Variants in MYO15B observed in about 807,000 individuals in gnomAD.
The protein encoded by MYO15B is myosin XVB pseudogene.
MYO15B carries 207 observed loss-of-function variants against 119.3 expected under a neutral mutation model. The ratio of observed to expected loss-of-function variants is 1.73; its 90% CI spans 1.55 to 1.95. MYO15B has a LOEUF of 1.95. Ranked by LOEUF, MYO15B falls within the 30% of genes most tolerant of loss-of-function variation. The pLI, the probability that MYO15B is intolerant of heterozygous loss-of-function variation, is 0.00. For synonymous variants in MYO15B, 966 were observed against 498.9 expected, an observed-to-expected ratio of 1.94 and a Z score of -12.48; for missense variants, 2,264 against 1,203.1, an observed-to-expected ratio of 1.88 and a Z score of -13.04.
exon 25 of MYO15B, chr17:75,611,891 C>T (rs1245096957): frequency 8.5e-6 from 6 of 702,828 alleles, no homozygotes; most frequent in East Asian, 2.7e-5. Context: ...CCCAGGCCAT[C>T]GGGACGCCCT....
At chr17:75,623,649 A>G (rs2058833456) in intron 53 of MYO15B, 132 bp from the exon 54 acceptor site, 7 of 637,046 alleles carry the variant, frequency 1.1e-5, no homozygotes, top group Admixed American at 4.8e-5. Flanking sequence ...TAGCCAGTGC[A>G]GTGATGTCTT....
chr17:75,599,487 C>T (rs1420440785), intron 14 of MYO15B, among the ~76,000 whole-genome samples: 1 of 151,610 alleles, frequency 6.6e-6, no homozygotes, highest in Non-Finnish European at 1.5e-5. Flanking sequence ...CGGGGTTTCA[C>T]CATGTTAGCC....
chr17:75,593,924 G>GTAA (rs374683707), intron 9 of MYO15B, among the ~76,000 whole-genome samples: 1 of 128,830 alleles, frequency 7.8e-6, no homozygotes, highest in Non-Finnish European at 1.6e-5. Context: ...AGTCTCAGAA[G>GTAA]AAAAAAAAAA....
rs546662576 is a variant in MYO15B at position 75,601,441 on chromosome 17, A to T, written c.3529A>T (p.Thr1177Ser). 5.2e-4 allele frequency: 369 copies of T among 703,014 alleles called. 7 individuals carry two copies. Among genetic ancestry groups the T allele is most frequent in the South Asian group, 4.2e-3 (282 of 67,606 alleles). 43.5% of individuals were successfully genotyped at this position (703,014 alleles called of 1,614,324 possible). The change falls in exon 15 of 64, where the codon ACG becomes TCG. Residue 1177 changes from threonine (T) to serine (S), a missense_variant. Coordinates refer to ENST00000645453, the Ensembl canonical transcript of MYO15B. ...GAGCTCATGGCTCCTCTCCTAGGCC[A>T]CGGACCACACCTTCCTCCAGAAGAG...
exon 15 of MYO15B, chr17:75,601,478 A>G (rs773592194): frequency 5.4e-5 from 38 of 702,954 alleles, no homozygotes; most frequent in Middle Eastern, 4.6e-4. Flanking sequence ...CACTATCACC[A>G]TGGTGACCAC....
In MYO15B at chr17:75,607,005, T is replaced by C. The variant is rs1670993; in HGVS notation, c.4292+984T>C. The C allele has an allele frequency of 0.93, 371,070 of 398,412 alleles. 173,267 individuals carry two copies. The highest frequency in any genetic ancestry group is 1 in the East Asian group (28,054 of 28,066). The allele number at this position is 398,412 out of a possible 1,614,324, so 24.7% of individuals were successfully genotyped here. A position where few individuals can be genotyped will look rare whatever the true frequency, so the allele number is the denominator to read the frequency against. ...CATCTACCCTTGGGCCAGATGCTGG[T>C]GACAGAGCTGGGGATGCCAGAGACG... On this transcript the variant is annotated intron_variant, in intron 21 of 63. Coordinates refer to ENST00000645453, the Ensembl canonical transcript of MYO15B.
intron 12 of MYO15B, among the ~76,000 whole-genome samples, chr17:75,595,934 C>T (rs1355917536): frequency 6.6e-6 from 1 of 152,232 alleles, no homozygotes; most frequent in Non-Finnish European, 1.5e-5. Context: ...TGTTCTGTCC[C>T]ACAATCCAGT....
intron 12 of MYO15B, 190 bp downstream of exon 12, chr17:75,595,162 T>A: frequency 3.3e-6 from 2 of 602,496 alleles, no homozygotes; most frequent in Non-Finnish European, 5.9e-6. Context: ...GATGGAGAGG[T>A]AAAGGAGTGG....
Position 75,596,757 on chromosome 17 carries a change from G to A in MYO15B, c.3394-11G>A, listed in dbSNP as rs1483428873. 1.4e-6 allele frequency: 1 copy of A among 695,814 alleles called. No individual in the cohort carries two copies. The highest frequency in any genetic ancestry group is 2.6e-6 in the Non-Finnish European group (1 of 381,408). The allele number at this position is 695,814 out of a possible 1,614,324, so 43.1% of individuals were successfully genotyped here. A position where few individuals can be genotyped will look rare whatever the true frequency, so the allele number is the denominator to read the frequency against. Reference sequence around the variant, plus strand: ...GCTCCTGCAAAATGGCCAAATGCCGGCTGTTCCCAGGAGGAGTGTCGGCGG... The same window carrying A: ...GCTCCTGCAAAATGGCCAAATGCCGACTGTTCCCAGGAGGAGTGTCGGCGG... On this transcript the variant is annotated splice_polypyrimidine_tract_variant and intron_variant, in intron 13 of 63. Transcript: ENST00000645453.
chr17:75,610,794 A>G, intron 22 of MYO15B, 106 bp from the exon 23 acceptor site: 2 of 691,600 alleles, frequency 2.9e-6, no homozygotes. Context: ...TCCTTTGCTG[A>G]GAACCTCCCA....
In MYO15B at chr17:75,590,244, G is replaced by A. The variant is rs73998360; in HGVS notation, c.2186+1G>A. 19,265 of 399,090 alleles carry A rather than the reference G, an allele frequency of 0.048. 530 individuals are homozygous for A. Among genetic ancestry groups the A allele is most frequent in the Middle Eastern group, 0.09 (143 of 1,588 alleles). 24.7% of individuals were successfully genotyped at this position (399,090 alleles called of 1,614,324 possible). The stretch of plus-strand genomic sequence containing the variant: ...ACATGGAGGACCTGGCGCGGTTGCG[G>A]TTAGCGGGCGCGGTGCCAAAGCTGC... On this transcript the variant is annotated splice_donor_variant, in intron 1 of 63. Transcript: ENST00000645453. LOFTEE classifies it high-confidence loss of function.
At chr17:75,609,321 G>A (rs1287068762) in intron 21 of MYO15B, among the ~76,000 whole-genome samples, 6 of 150,734 alleles carry the variant, frequency 4.0e-5, no homozygotes, top group Non-Finnish European at 8.9e-5. Flanking sequence ...ACAAGGACAC[G>A]CCGTCATGCC....
exon 57 of MYO15B, chr17:75,624,375 A>T: frequency 1.4e-6 from 1 of 702,556 alleles, no homozygotes; most frequent in Non-Finnish European, 2.6e-6. Flanking sequence ...GGCAGAAAGG[A>T]CAAGCGATTC....
exon 39 of MYO15B, chr17:75,616,550 G>A (rs768856110): frequency 3.8e-5 from 27 of 702,728 alleles, no homozygotes; most frequent in Admixed American, 1.2e-4. Flanking sequence ...TCCCCCCATC[G>A]TGAAGAAGCC....
At chr17:75,622,335 A>G (rs952221054) in intron 53 of MYO15B, among the ~76,000 whole-genome samples, 10 of 152,274 alleles carry the variant, frequency 6.6e-5, no homozygotes, top group Middle Eastern at 3.4e-3. Flanking sequence ...TGCAGTGGAG[A>G]AGGCTTTGTG....
At chr17:75,621,361 G>A (rs763683776) in exon 51 of MYO15B, 33 of 701,226 alleles carry the variant, frequency 4.7e-5, no homozygotes, top group Non-Finnish European at 8.1e-5. Context: ...CCAGACTGAT[G>A]GAGGTGCCGC....
At position 75,589,293 on chromosome 17, in the gene MYO15B, C is replaced by T. The variant is rs983920999; in HGVS notation, c.1236C>T (p.Asp412=). 2 of 389,104 alleles carry T rather than the reference C, an allele frequency of 5.1e-6. No individual in the cohort carries two copies. Among genetic ancestry groups the T allele is most frequent in the East Asian group, 3.6e-5 (1 of 27,468 alleles). 24.1% of individuals were successfully genotyped at this position (389,104 alleles called of 1,614,324 possible). A position where few individuals can be genotyped will look rare whatever the true frequency, so the allele number is the denominator to read the frequency against. The change falls in exon 1 of 64, where the codon GAC becomes GAT. Residue 412 remains aspartate, a synonymous_variant. Transcript: ENST00000645453. This position sits in a 1 kb window ranked among gnomAD's most constrained non-coding sequence, Gnocchi z 4.2. ...AGGGGTGGGGCCGCCGGAAACCGGA[C>T]GAGGGGCGGGGTCATGGGAGAGGAA...
At position 75,616,097 on chromosome 17, in the gene MYO15B, C is replaced by A. The variant is rs757174852; in HGVS notation, c.6059C>A (p.Pro2020His). Residue 2020 changes from proline to histidine, a missense_variant, in exon 37 of 64, where the codon CCC becomes CAC. Physicochemically the swap from Pro to His is moderately conservative, Grantham distance 77. Coordinates refer to ENST00000645453, the Ensembl canonical transcript of MYO15B. Reference sequence around the variant, plus strand: ...ACCTCCGAGGAGGCTGAAGACAGGCCCTATCAGCCCAAGAGCTTCCAGCAG... The same window carrying A: ...ACCTCCGAGGAGGCTGAAGACAGGCACTATCAGCCCAAGAGCTTCCAGCAG... 4.5e-5 allele frequency: 26 copies of A among 574,708 alleles called. No individual in the cohort carries two copies. In the East Asian group the frequency reaches 7.6e-4, roughly 17 times the overall value. 35.6% of individuals were successfully genotyped at this position (574,708 alleles called of 1,614,324 possible).
At chr17:75,607,683 T>C (rs1038558865) in intron 21 of MYO15B, among the ~76,000 whole-genome samples, 2 of 152,008 alleles carry the variant, frequency 1.3e-5, no homozygotes, top group African/African-American at 2.4e-5. Context: ...GGTCTTGAAC[T>C]CCTGTCTTCT....
Sources: allele counts gnomAD v4.1 joint callset (sites outside exome capture counted in the v4.1 genomes callset), GRCh38; gene constraint gnomAD v4.1.1; non-coding constraint Gnocchi (gnomAD v3.1); transcripts MANE v1.5; gene names NCBI Gene and HGNC (gene_info 2026-07-23, HGNC 2026-07-21).